MAOB: variants seen among roughly 807,000 people sequenced by gnomAD.
The protein encoded by MAOB is amine oxidase [flavin-containing] B.
MAOB carries 15 observed loss-of-function variants against 41.9 expected under a neutral mutation model. The observed-to-expected ratio is 0.36, with a 90% CI of 0.24 to 0.55. The LOEUF (loss-of-function observed/expected upper bound fraction) is 0.55, where lower values mean the gene tolerates loss of function less well. Ranked by LOEUF, MAOB falls within the 20% of genes least tolerant of loss-of-function variation. The pLI, the probability that MAOB is intolerant of heterozygous loss-of-function variation, is 0.86. For missense variants in MAOB, 345 were observed against 398.7 expected (o/e 0.87, Z 1.15); for synonymous variants, 167 against 144.2 (o/e 1.16, Z -1.13).
chrX:43,871,953 AC>A (rs2035410879), intron 1 of MAOB, among the ~76,000 whole-genome samples: 1 of 111,744 alleles, frequency 8.9e-6, no homozygotes, highest in Non-Finnish European at 1.9e-5. Context: ...AAAATGTAAA[AC>A]ATGAAACAGC....
At chrX:43,829,698 A>G (rs1339270953) in intron 3 of MAOB, among the ~76,000 whole-genome samples, 1 of 112,236 alleles carries the variant, frequency 8.9e-6, no homozygotes. Context: ...ATTCTTTGTG[A>G]TGACAGATGT....
At chrX:43,791,535 A>T (rs2034462332) in intron 8 of MAOB, among the ~76,000 whole-genome samples, 1 of 111,815 alleles carries the variant, frequency 8.9e-6, no homozygotes, top group Non-Finnish European at 1.9e-5. Context: ...AGGCAGGTGG[A>T]TCATGAGGTC....
intron 10 of MAOB, among the ~76,000 whole-genome samples, chrX:43,779,222 A>T (rs1246442449): frequency 1.8e-5 from 2 of 112,173 alleles, no homozygotes; most frequent in Non-Finnish European, 3.8e-5. Context: ...TATATAAGGA[A>T]ATTTAGAATT....
chrX:43,794,617 C>T (rs902210905), intron 7 of MAOB, among the ~76,000 whole-genome samples: 1 of 110,590 alleles, frequency 9.0e-6, no homozygotes, highest in Non-Finnish European at 1.9e-5. Context: ...TAAATATTTT[C>T]TGTGTTTTTC....
intron 1 of MAOB, among the ~76,000 whole-genome samples, chrX:43,878,851 G>A (rs1173177239): frequency 9.0e-6 from 1 of 111,545 alleles, no homozygotes; most frequent in African/African-American, 3.3e-5. Context: ...GCCAGGTGTT[G>A]GTTACAATTT....
intron 1 of MAOB, chrX:43,850,454 G>A (rs1293276024): frequency 5.3e-6 from 4 of 750,997 alleles, no homozygotes; most frequent in Admixed American, 1.8e-4. Context: ...AGGTGTTTTG[G>A]CCAAATAGTT....
At chrX:43,880,383 G>A (rs1296655579) in intron 1 of MAOB, among the ~76,000 whole-genome samples, 1 of 112,018 alleles carries the variant, frequency 8.9e-6, no homozygotes, top group Admixed American at 9.4e-5. Context: ...AATTCCTATT[G>A]TCTGAATAAA....
At chrX:43,770,998 T>C (rs2034175277) in intron 12 of MAOB, among the ~76,000 whole-genome samples, 1 of 112,214 alleles carries the variant, frequency 8.9e-6, no homozygotes, top group South Asian at 3.7e-4. Flanking sequence ...CTAACATCCA[T>C]GTTCCATCTT....
At chrX:43,805,406 C>T (rs1178026921) in intron 3 of MAOB, among the ~76,000 whole-genome samples, 1 of 111,576 alleles carries the variant, frequency 9.0e-6, no homozygotes, top group Non-Finnish European at 1.9e-5. Flanking sequence ...AGATATAAAA[C>T]ATTCCCATCA....
At chrX:43,853,267 CAA>C (rs397957481) in intron 1 of MAOB, among the ~76,000 whole-genome samples, 1 of 26,446 alleles carries the variant, frequency 3.8e-5, no homozygotes. Flanking sequence ...GAGTCCGTCT[CAA>C]AAAAAAAAAA....
At chrX:43,800,292 C>G (rs967196391) in intron 5 of MAOB, among the ~76,000 whole-genome samples, 1 of 110,502 alleles carries the variant, frequency 9.0e-6, no homozygotes, top group South Asian at 3.8e-4. Context: ...GGAGAGAAGA[C>G]CTAACTGAAT....
At chrX:43,824,820 A>G (rs2034925538) in intron 3 of MAOB, among the ~76,000 whole-genome samples, 1 of 113,635 alleles carries the variant, frequency 8.8e-6, no homozygotes, top group Non-Finnish European at 1.9e-5. Context: ...GTGCACACAC[A>G]CATGCACACG....
intron 1 of MAOB, 144 bp downstream of exon 1, chrX:43,882,109 TG>T: frequency 9.7e-7 from 1 of 1,032,793 alleles, no homozygotes; most frequent in Non-Finnish European, 1.3e-6. Context: ...CACGGCGCTC[TG>T]GACCCACTAG....
At chrX:43,773,822 G>A (rs1163953236) in intron 12 of MAOB, among the ~76,000 whole-genome samples, 3 of 111,993 alleles carry the variant, frequency 2.7e-5, no homozygotes, top group Non-Finnish European at 3.8e-5. Flanking sequence ...TGATTGTGAA[G>A]CCTCCCCAGC....
chrX:43,873,015 T>C (rs1216745481), intron 1 of MAOB, among the ~76,000 whole-genome samples: 14 of 112,638 alleles, frequency 1.2e-4, no homozygotes, highest in African/African-American at 4.2e-4. Flanking sequence ...GATTGCATCT[T>C]TCATTTCTAT....
intron 3 of MAOB, among the ~76,000 whole-genome samples, chrX:43,836,086 C>T (rs770552680): frequency 9.0e-6 from 1 of 111,563 alleles, no homozygotes; most frequent in East Asian, 2.8e-4. Context: ...TTTACATGAA[C>T]TGTAGTTTGC....
chrX:43,878,373 C>G (rs1264360456), intron 1 of MAOB, among the ~76,000 whole-genome samples: 3 of 106,670 alleles, frequency 2.8e-5, no homozygotes, highest in Non-Finnish European at 5.8e-5. Flanking sequence ...TCCAGAGTAG[C>G]TGGGACTACA....
At chrX:43,769,180 T>C (rs2034149050) in intron 13 of MAOB, 127 bp downstream of exon 13, 1 of 978,516 alleles carries the variant, frequency 1.0e-6, no homozygotes, top group East Asian at 3.7e-5. Context: ...ATAGTTAAAA[T>C]AGTATTTTAT....
At chrX:43,869,501 C>T (rs905204529) in intron 1 of MAOB, among the ~76,000 whole-genome samples, 1 of 111,492 alleles carries the variant, frequency 9.0e-6, no homozygotes, top group African/African-American at 3.3e-5. Context: ...GCAATTTTAA[C>T]AGAGACCTGC....
Sources: gnomAD v4.1 joint callset for allele counts (sites outside exome capture counted in the v4.1 genomes callset) on GRCh38, gnomAD v4.1.1 for gene constraint, MANE v1.5 for transcripts, NCBI Gene and HGNC (gene_info 2026-07-23, HGNC 2026-07-21) for gene names.